The following FMN1 variants were observed in gnomAD, a reference collection of about 807,000 sequenced individuals.
FMN1 encodes formin-1.
A neutral mutation model predicts 132.4 loss-of-function variants in FMN1; 110 were observed. That is an observed-to-expected ratio of 0.83 (90% CI 0.71 to 0.97). The LOEUF is 0.97. Ranked by LOEUF, FMN1 falls within the 50% of genes least tolerant of loss-of-function variation. The pLI, the probability that FMN1 is intolerant of heterozygous loss-of-function variation, is 0.00. For synonymous variants in FMN1, 722 were observed against 651.7 expected, an observed-to-expected ratio of 1.11 and a Z score of -1.64; for missense variants, 1,792 against 1,705.3, an observed-to-expected ratio of 1.05 and a Z score of -0.90.
chr15:33,110,441 T>C (rs994799942), intron 4 of FMN1, among the ~76,000 whole-genome samples: 1 of 151,954 alleles, frequency 6.6e-6, no homozygotes, highest in Non-Finnish European at 1.5e-5. Flanking sequence ...AATTTTTCTA[T>C]GGGTGGTGAT....
At chr15:33,189,361 C>T (rs1965995673) in intron 2 of FMN1, among the ~76,000 whole-genome samples, 1 of 152,102 alleles carries the variant, frequency 6.6e-6, no homozygotes, top group African/African-American at 2.4e-5. Flanking sequence ...GAACTGTGGG[C>T]TTTTAAAAAA....
At chr15:32,977,790 T>C (rs1437891926) in intron 7 of FMN1, among the ~76,000 whole-genome samples, 3 of 152,016 alleles carry the variant, frequency 2.0e-5, no homozygotes, top group African/African-American at 7.2e-5. Flanking sequence ...TGAATGCAAA[T>C]GTTCACACAA....
At chr15:32,992,236 G>A (rs969492931) in intron 7 of FMN1, among the ~76,000 whole-genome samples, 7 of 152,244 alleles carry the variant, frequency 4.6e-5, no homozygotes, top group Admixed American at 1.3e-4. Context: ...TTTCTAGAAC[G>A]TTGGAATTTT....
At chr15:33,139,892 A>C (rs1017771456) in intron 4 of FMN1, among the ~76,000 whole-genome samples, 1 of 151,978 alleles carries the variant, frequency 6.6e-6, no homozygotes, top group African/African-American at 2.4e-5. Flanking sequence ...TAAATCATAT[A>C]CTCCTATGTG....
chr15:32,905,135 CT>C (rs1254114559), intron 12 of FMN1, among the ~76,000 whole-genome samples: 1 of 152,196 alleles, frequency 6.6e-6, no homozygotes, highest in African/African-American at 2.4e-5. Context: ...GCAACTTCAG[CT>C]TCTAATATAT....
chr15:33,157,983 C>G (rs1239931263), intron 3 of FMN1, among the ~76,000 whole-genome samples: 1 of 141,690 alleles, frequency 7.1e-6, no homozygotes, highest in East Asian at 2.0e-4. Flanking sequence ...CAGAGCAAGA[C>G]CCTGTCTTTC....
chr15:33,093,868 C>T (rs1055071676), intron 4 of FMN1, among the ~76,000 whole-genome samples: 1 of 152,194 alleles, frequency 6.6e-6, no homozygotes, highest in African/African-American at 2.4e-5. Flanking sequence ...TAAAATCATG[C>T]TTAAATTCAA....
Position 32,836,651 on chromosome 15 carries a change from G to A in FMN1, c.3928+20364C>T, listed in dbSNP as rs1485043771. ...TTTCCCCTTGTTTGGTGAAGAACAAGAGGATACACCCATTGCTTGAGCATA... is the reference window on the plus strand; with the variant it reads ...TTTCCCCTTGTTTGGTGAAGAACAAAAGGATACACCCATTGCTTGAGCATA... On this transcript the variant is annotated intron_variant, in intron 17 of 20. Coordinates refer to ENST00000616417, the MANE Select transcript of FMN1 (RefSeq NM_001277313.2). Among the ~76,000 whole-genome samples, 3 of 152,290 alleles carry A rather than the reference G, an allele frequency of 2.0e-5. No individual in the cohort carries two copies. In the East Asian group the frequency reaches 5.8e-4, roughly 29 times the overall value.
chr15:33,017,139 A>T (rs1056345115), intron 6 of FMN1, among the ~76,000 whole-genome samples: 13 of 59,740 alleles, frequency 2.2e-4, no homozygotes, highest in South Asian at 9.6e-4. Flanking sequence ...AGCATAATTT[A>T]AAAAAAAAAA....
At chr15:32,976,121 C>T (rs1177624532) in intron 7 of FMN1, among the ~76,000 whole-genome samples, 1 of 151,910 alleles carries the variant, frequency 6.6e-6, no homozygotes, top group Non-Finnish European at 1.5e-5. Context: ...CTGCCAGGGC[C>T]AATAAAAAAT....
At chr15:32,917,922 A>T (rs1339039631) in intron 10 of FMN1, among the ~76,000 whole-genome samples, 1 of 152,210 alleles carries the variant, frequency 6.6e-6, no homozygotes, top group Middle Eastern at 3.2e-3. Flanking sequence ...TGAAAATTTC[A>T]TTTATTTAGT....
intron 9 of FMN1, among the ~76,000 whole-genome samples, chr15:32,942,030 A>G (rs2061411288): frequency 6.6e-6 from 1 of 152,144 alleles, no homozygotes; most frequent in African/African-American, 2.4e-5. Context: ...GCAGGGGCAA[A>G]TTCACAGGTT....
At position 33,069,993 on chromosome 15, in the gene FMN1, C is replaced by CTCTCTTTTTT. The variant is rs398026774; in HGVS notation, c.2044-4920_2044-4919insAAAAAAGAGA. ...AACAGATCATAAGATCAGTCTTTCT[C>CTCTCTTTTTT]TTTTTTTTTTTTTTTTTTTTTTTTT... On this transcript the variant is annotated intron_variant, in intron 5 of 20. Transcript: ENST00000616417. Among the ~76,000 whole-genome samples, 255 of 74,324 alleles carry CTCTCTTTTTT rather than the reference C, an allele frequency of 3.4e-3. 2 individuals carry two copies. The highest frequency in any genetic ancestry group is 0.023 in the Middle Eastern group (2 of 86). The allele number at this position is 74,324 out of a possible 152,430, so 48.8% of individuals were successfully genotyped here.
chr15:32,810,272 G>A (rs887286609), intron 17 of FMN1, among the ~76,000 whole-genome samples: 2 of 152,306 alleles, frequency 1.3e-5, no homozygotes, highest in African/African-American at 4.8e-5. Flanking sequence ...CATGTTAGCA[G>A]AACACAGTCC....
chr15:32,878,574 C>G (rs904656673), intron 16 of FMN1, among the ~76,000 whole-genome samples: 2 of 152,116 alleles, frequency 1.3e-5, no homozygotes, highest in Admixed American at 6.6e-5. Flanking sequence ...CAAAAGGAAT[C>G]AAGGAAAAGT....
intron 4 of FMN1, among the ~76,000 whole-genome samples, chr15:33,103,578 G>C (rs345783): frequency 0.29 from 43,333 of 151,926 alleles, 6,748 homozygotes; most frequent in East Asian, 0.67. Flanking sequence ...CAACAAATGT[G>C]TTCTCTAATT....
intron 6 of FMN1, among the ~76,000 whole-genome samples, chr15:33,019,705 C>T (rs1431434020): frequency 6.6e-6 from 1 of 152,234 alleles, no homozygotes; most frequent in African/African-American, 2.4e-5. Flanking sequence ...GCGCACCCTC[C>T]GCAGCTGCTT....
chr15:33,125,167 G>A (rs1356188314), intron 4 of FMN1, among the ~76,000 whole-genome samples: 1 of 152,132 alleles, frequency 6.6e-6, no homozygotes, highest in Non-Finnish European at 1.5e-5. Context: ...TTGAATCCCT[G>A]ATCCATCACT....
At chr15:33,127,135 G>GT (rs1279594279) in intron 4 of FMN1, among the ~76,000 whole-genome samples, 1 of 152,052 alleles carries the variant, frequency 6.6e-6, no homozygotes, top group Non-Finnish European at 1.5e-5. Context: ...TTAACAAGCA[G>GT]TAGCAGACTT....
Sources: allele counts gnomAD v4.1 joint callset (sites outside exome capture counted in the v4.1 genomes callset), GRCh38; gene constraint gnomAD v4.1.1; transcripts MANE v1.5; gene names NCBI Gene and HGNC (gene_info 2026-07-23, HGNC 2026-07-21).